The following POU3F3 variants were observed in gnomAD, a reference collection of about 807,000 sequenced individuals.
POU3F3 encodes the protein POU class 3 homeobox 3.
A neutral mutation model predicts 8.6 loss-of-function variants in POU3F3; 1 was observed. That is an observed-to-expected ratio of 0.12 (90% CI 0.04 to 0.55). POU3F3 has a LOEUF of 0.55. Ranked by LOEUF, POU3F3 falls within the 20% of genes least tolerant of loss-of-function variation. POU3F3 has a pLI of 0.91. For synonymous variants in POU3F3, 418 were observed against 327.4 expected (o/e 1.28, Z -2.99); for missense variants, 577 against 690.7 (o/e 0.84, Z 1.84).
the POU3F3 span, among the ~76,000 whole-genome samples, chr2:104,887,859 G>A: frequency 6.6e-6 from 1 of 152,164 alleles, no homozygotes; most frequent in African/African-American, 2.4e-5. Flanking sequence ...TTATTTTCAG[G>A]CTTTAAATGG....
the POU3F3 span, chr2:104,867,338 G>C: frequency 6.6e-6 from 1 of 152,394 alleles, no homozygotes; most frequent in Admixed American, 6.5e-5. This position sits in a 1 kb window ranked among gnomAD's most constrained non-coding sequence, Gnocchi z 5.0. Context: ...AGGGAACCGA[G>C]GGGCCCGGGA....
Position 104,855,907 on chromosome 2 carries a change from C to A in POU3F3, c.397C>A (p.Pro133Thr). The A allele has an allele frequency of 9.3e-7, 1 of 1,070,514 alleles. No homozygotes were observed. The allele number at this position is 1,070,514 out of a possible 1,614,324, so 66.3% of individuals were successfully genotyped here. A position where few individuals can be genotyped will look rare whatever the true frequency, so the allele number is the denominator to read the frequency against. Reference sequence around the variant, plus strand: ...CAGCGCCGTGGGCATGGCTGGCAGCCCCCAGCAGCCACCGCAGCCGCCGCC... The same window carrying A: ...CAGCGCCGTGGGCATGGCTGGCAGCACCCAGCAGCCACCGCAGCCGCCGCC... ...SGSAVGMAGS[P>T]QQPPQPPPPP... is the part of the protein sequence containing the mutation. The change falls in exon 1 of 1, where the codon CCC becomes ACC. Residue 133 changes from proline (P) to threonine (T), a missense_variant. Pro to Thr is a conservative substitution (Grantham distance 38). Transcript: ENST00000361360.
At chr2:104,878,460 C>T in the POU3F3 span, among the ~76,000 whole-genome samples, 5 of 152,152 alleles carry the variant, frequency 3.3e-5, no homozygotes, top group East Asian at 7.7e-4. Flanking sequence ...ATAATTAAAT[C>T]GAACTACTTT....
At chr2:104,911,342 A>C in the POU3F3 span, among the ~76,000 whole-genome samples, 1 of 151,398 alleles carries the variant, frequency 6.6e-6, no homozygotes, top group African/African-American at 2.4e-5. Context: ...TTGAACCTGG[A>C]AGGCAGAGGT....
At chr2:104,889,884 A>G in the POU3F3 span, among the ~76,000 whole-genome samples, 1 of 152,154 alleles carries the variant, frequency 6.6e-6, no homozygotes, top group African/African-American at 2.4e-5. Context: ...TAGCAAATCT[A>G]TTTTTAAATA....
In POU3F3 at chr2:104,856,947, G is replaced by T; in HGVS notation, c.1437G>T (p.Ser479=). ...AGCAGACGCCCGACGACGTCTACTC[G>T]CAGGTGGGCACCGTGAGCGCCGACA... ...IQQQTPDDVY[S]QVGTVSADTP... is the part of the protein sequence containing the mutation. Residue 479 remains serine, a synonymous_variant, in exon 1 of 1, where the codon TCG becomes TCT. Coordinates refer to ENST00000361360, the MANE Select transcript of POU3F3 (RefSeq NM_006236.3). The T allele has an allele frequency of 6.2e-7, 1 of 1,612,938 alleles. No homozygotes were observed.
At chr2:104,894,395 A>G in the POU3F3 span, among the ~76,000 whole-genome samples, 1 of 152,160 alleles carries the variant, frequency 6.6e-6, no homozygotes, top group African/African-American at 2.4e-5. Flanking sequence ...ATACGTTGAC[A>G]AGAACTTCCA....
At position 104,856,614 on chromosome 2, in the gene POU3F3, G is replaced by A; in HGVS notation, c.1104G>A (p.Leu368=). ...TCTGCCGCTTCGAGGCCCTGCAGCT[G>A]AGCTTCAAGAACATGTGCAAGCTCA... is the stretch of plus-strand genomic sequence containing the variant. The part of the protein sequence containing the change: ...TTICRFEALQ[L]SFKNMCKLKP... Residue 368 remains leucine, a synonymous_variant, in exon 1 of 1, where the codon CTG becomes CTA. Transcript: ENST00000361360. 1 of 1,614,202 alleles carries A rather than the reference G, an allele frequency of 6.2e-7. No homozygotes were observed. Among genetic ancestry groups the A allele is most frequent in the Non-Finnish European group, 8.5e-7 (1 of 1,180,038 alleles).
In POU3F3 at chr2:104,855,572, T is replaced by C; in HGVS notation, c.62T>C (p.Ile21Thr). ...AACAGCCTGCTCGCGGCCGGCTCTATTGTGCACTCGGACGCGGCAGGGGCT... is the reference window on the plus strand; with the variant it reads ...AACAGCCTGCTCGCGGCCGGCTCTACTGTGCACTCGGACGCGGCAGGGGCT... ...PGNSLLAAGS[I>T]VHSDAAGAGG... The change falls in exon 1 of 1, where the codon ATT becomes ACT. Residue 21 changes from isoleucine to threonine, a missense_variant. By Grantham distance (89) the Ile-to-Thr change is moderately conservative. Around this residue, in one of 7 missense-constraint regions of POU3F3, gnomAD observed 484 missense variants for 422.6 expected, o/e 1.15. Transcript: ENST00000361360. 1.5e-5 allele frequency: 15 copies of C among 1,000,792 alleles called. No individual in the cohort carries two copies. The highest frequency in any genetic ancestry group is 1.8e-5 in the Non-Finnish European group (15 of 846,986). The allele number at this position is 1,000,792 out of a possible 1,614,324, so 62.0% of individuals were successfully genotyped here. A position where few individuals can be genotyped will look rare whatever the true frequency, so the allele number is the denominator to read the frequency against.
Position 104,855,678 on chromosome 2 carries a change from C to T in POU3F3, c.168C>T (p.Ala56=), listed in dbSNP as rs1676545205. ...GGGGGMQPGS[A]AVTSGAYRGD... ...GCGGCGGCATGCAGCCGGGCAGCGC[C>T]GCCGTGACCTCGGGCGCCTACCGGG... Residue 56 remains alanine, a synonymous_variant, in exon 1 of 1, where the codon GCC becomes GCT. Coordinates refer to ENST00000361360, the MANE Select transcript of POU3F3 (RefSeq NM_006236.3). The T allele has an allele frequency of 8.7e-7, 1 of 1,148,872 alleles. No individual in the cohort carries two copies. Among genetic ancestry groups the T allele is most frequent in the Non-Finnish European group, 1.1e-6 (1 of 921,298 alleles). The allele number at this position is 1,148,872 out of a possible 1,614,324, so 71.2% of individuals were successfully genotyped here.
the POU3F3 span, among the ~76,000 whole-genome samples, chr2:104,920,465 T>G: frequency 6.6e-6 from 1 of 152,138 alleles, no homozygotes; most frequent in Non-Finnish European, 1.5e-5. Context: ...TTAGGCCTTT[T>G]GCAAAAAGCA....
At chr2:104,873,587 A>G in the POU3F3 span, among the ~76,000 whole-genome samples, 19 of 152,206 alleles carry the variant, frequency 1.2e-4, no homozygotes, top group African/African-American at 4.6e-4. Context: ...CCGGGCCAGG[A>G]GCACTTTCAC....
At chr2:104,920,131 C>T in the POU3F3 span, among the ~76,000 whole-genome samples, 1 of 152,234 alleles carries the variant, frequency 6.6e-6, no homozygotes, top group Non-Finnish European at 1.5e-5. Context: ...TCTCCCGCCT[C>T]AGTCACCCGA....
the POU3F3 span, among the ~76,000 whole-genome samples, chr2:104,902,452 T>C: frequency 4.0e-3 from 605 of 152,288 alleles, 8 homozygotes; most frequent in African/African-American, 0.014. Flanking sequence ...TCATTTAACA[T>C]AAAACATAAA....
At chr2:104,921,458 T>C in the POU3F3 span, among the ~76,000 whole-genome samples, 1 of 152,176 alleles carries the variant, frequency 6.6e-6, no homozygotes, top group African/African-American at 2.4e-5. Context: ...CAGTAAATTA[T>C]GGCTAGTTTT....
chr2:104,897,318 C>T, the POU3F3 span, among the ~76,000 whole-genome samples: 13 of 152,336 alleles, frequency 8.5e-5, no homozygotes, highest in African/African-American at 3.1e-4. Context: ...GCCCGGAGCT[C>T]CTCCACCCAG....
chr2:104,891,687 T>G, the POU3F3 span, among the ~76,000 whole-genome samples: 1 of 152,220 alleles, frequency 6.6e-6, no homozygotes, highest in African/African-American at 2.4e-5. Context: ...AGAAGGCACT[T>G]CTCTTCCATC....
the POU3F3 span, among the ~76,000 whole-genome samples, chr2:104,904,960 A>G: frequency 3.9e-5 from 6 of 152,156 alleles, no homozygotes; most frequent in African/African-American, 1.4e-4. Context: ...AACATGTAGG[A>G]AATGGAGCCA....
chr2:104,855,898 G>A lies in POU3F3; in HGVS notation c.388G>A (p.Ala130Thr), dbSNP rs1348542505. Reference sequence around the variant, plus strand: ...GTGGTCGGGCAGCGCCGTGGGCATGGCTGGCAGCCCCCAGCAGCCACCGCA... The same window carrying A: ...GTGGTCGGGCAGCGCCGTGGGCATGACTGGCAGCCCCCAGCAGCCACCGCA... Reference protein sequence around the residue: ...SPWSGSAVGMAGSPQQPPQPP... With the variant: ...SPWSGSAVGMTGSPQQPPQPP... Residue 130 changes from alanine (A) to threonine (T), a missense_variant, in exon 1 of 1, where the codon GCT (alanine) becomes ACT (threonine). Physicochemically the swap from Ala to Thr is moderately conservative, Grantham distance 58. Transcript: ENST00000361360. 1.9e-6 allele frequency: 2 copies of A among 1,061,270 alleles called. No individual in the cohort carries two copies. The highest frequency in any genetic ancestry group is 3.3e-5 in the South Asian group (1 of 30,610). The allele number at this position is 1,061,270 out of a possible 1,614,324, so 65.7% of individuals were successfully genotyped here.
Sources: gnomAD v4.1 joint callset for allele counts (sites outside exome capture counted in the v4.1 genomes callset) on GRCh38, gnomAD v4.1.1 for gene constraint, gnomAD v4.1.1 regional missense constraint, Gnocchi (gnomAD v3.1) non-coding constraint, MANE v1.5 for transcripts, NCBI Gene and HGNC (gene_info 2026-07-23, HGNC 2026-07-21) for gene names.